The following INCA1 variants were observed in gnomAD, a reference collection of about 807,000 sequenced individuals.
INCA1 encodes the protein inhibitor of CDK, cyclin A1 interacting protein 1.
Under a neutral mutation model 25.7 loss-of-function variants are expected in INCA1, and 28 were observed. That is an observed-to-expected ratio of 1.09 (90% CI 0.81 to 1.49). INCA1 has a LOEUF of 1.49. Ranked by LOEUF, INCA1 falls within the 40% of genes most tolerant of loss-of-function variation. INCA1 has a pLI of 0.00. For synonymous variants in INCA1, 111 were observed against 103.6 expected, an observed-to-expected ratio of 1.07 and a Z score of -0.43; for missense variants, 309 against 290.9, an observed-to-expected ratio of 1.06 and a Z score of -0.45.
At chr17:4,988,319 A>G in exon 7 of INCA1, 2 of 1,422,074 alleles carry the variant, frequency 1.4e-6, no homozygotes, top group Non-Finnish European at 1.9e-6. Flanking sequence ...AAACGCCTTC[A>G]TGTCAGCAAT....
chr17:4,988,624 A>G, intron 6 of INCA1, 70 bp from the exon 7 acceptor site: 1 of 1,584,618 alleles, frequency 6.3e-7, no homozygotes, highest in African/African-American at 1.4e-5. Context: ...CCTAGTACCC[A>G]AGCTTAGGTA....
At chr17:4,989,928 G>C in exon 4 of INCA1, 1 of 1,614,176 alleles carries the variant, frequency 6.2e-7, no homozygotes, top group Non-Finnish European at 8.5e-7. Context: ...AGCCAAGTGG[G>C]GCTGTGAAGA....
At chr17:4,996,177 G>A (rs1254280899) in intron 1 of INCA1, among the ~76,000 whole-genome samples, 2 of 152,112 alleles carry the variant, frequency 1.3e-5, no homozygotes, top group African/African-American at 4.8e-5. Context: ...TCGAGCCCAG[G>A]AGTTTGAGAC....
intron 2 of INCA1, among the ~76,000 whole-genome samples, chr17:4,994,096 C>T (rs1468597564): frequency 6.6e-6 from 1 of 151,936 alleles, no homozygotes; most frequent in Non-Finnish European, 1.5e-5. Context: ...TTAAATAGTA[C>T]CCATCATTAG....
chr17:4,988,596 G>C, intron 6 of INCA1, 42 bp from the exon 7 acceptor site: 1 of 1,605,774 alleles, frequency 6.2e-7, no homozygotes, highest in Non-Finnish European at 8.5e-7. Context: ...TGGAAAAGTA[G>C]GTCTTCTTTC....
intron 2 of INCA1, among the ~76,000 whole-genome samples, chr17:4,992,695 T>C (rs1425353624): frequency 6.7e-6 from 1 of 148,858 alleles, no homozygotes; most frequent in Non-Finnish European, 1.5e-5. Flanking sequence ...TTTCTCTCCT[T>C]CTTTCCCTCC....
At chr17:4,989,244 CCTT>C (rs1973638976) in intron 5 of INCA1, among the ~76,000 whole-genome samples, 181 bp downstream of exon 5, 3 of 152,320 alleles carry the variant, frequency 2.0e-5, no homozygotes, top group Admixed American at 6.5e-5. Flanking sequence ...GCAGTTCCCT[CCTT>C]CTTTCCATAT....
intron 2 of INCA1, among the ~76,000 whole-genome samples, chr17:4,991,377 A>G (rs990329810): frequency 1.3e-5 from 2 of 152,338 alleles, no homozygotes; most frequent in African/African-American, 2.4e-5. Context: ...TACTCAGGTT[A>G]TATGACAGAT....
exon 6 of INCA1, chr17:4,988,899 T>C: frequency 2.5e-6 from 4 of 1,614,214 alleles, no homozygotes; most frequent in Non-Finnish European, 3.4e-6. Flanking sequence ...CAAGCACCAC[T>C]GGCTCAGATG....
chr17:4,988,449 G>C (rs1342264014), exon 7 of INCA1: 1 of 1,613,516 alleles, frequency 6.2e-7, no homozygotes, highest in Non-Finnish European at 8.5e-7. Flanking sequence ...GGATTGTGAA[G>C]GGGGTTCCTT....
chr17:4,988,505 G>A, exon 7 of INCA1: 1 of 1,614,100 alleles, frequency 6.2e-7, no homozygotes, highest in Non-Finnish European at 8.5e-7. Context: ...CAGCTGCCTG[G>A]AGGCACAAGC....
chr17:4,992,281 G>T (rs569087273), intron 2 of INCA1, among the ~76,000 whole-genome samples: 2 of 151,806 alleles, frequency 1.3e-5, no homozygotes, highest in African/African-American at 2.4e-5. Flanking sequence ...AATCCAAACC[G>T]TTTTTTTTCT....
exon 5 of INCA1, chr17:4,989,560 A>G: frequency 6.2e-7 from 1 of 1,614,156 alleles, no homozygotes; most frequent in Non-Finnish European, 8.5e-7. Context: ...TCTTCTCCAA[A>G]GCATTTCAGG....
chr17:4,989,821 G>A, intron 4 of INCA1, 69 bp downstream of exon 4: 2 of 1,609,006 alleles, frequency 1.2e-6, no homozygotes, highest in Non-Finnish European at 1.7e-6. Context: ...AATAAGGAGA[G>A]CTTGGGACAG....
intron 2 of INCA1, among the ~76,000 whole-genome samples, chr17:4,992,956 T>C (rs532215185): frequency 1.7e-4 from 26 of 151,766 alleles, no homozygotes; most frequent in Admixed American, 2.6e-4. Context: ...CTCGGCTCAC[T>C]GCACCCTCTG....
intron 1 of INCA1, among the ~76,000 whole-genome samples, chr17:4,994,719 G>A (rs931735727): frequency 6.6e-6 from 1 of 150,878 alleles, no homozygotes; most frequent in African/African-American, 2.4e-5. Context: ...GAACCTGGGA[G>A]GCGGAGGTTG....
At chr17:4,996,115 T>C (rs188522603) in intron 1 of INCA1, among the ~76,000 whole-genome samples, 7 of 152,194 alleles carry the variant, frequency 4.6e-5, no homozygotes, top group African/African-American at 1.4e-4. Flanking sequence ...CTGGGCACAC[T>C]GGCTCACGCC....
In INCA1 at chr17:4,988,957, T is replaced by C. The variant is rs139444274; in HGVS notation, c.396-13A>G. 614 of 1,608,604 alleles carry C rather than the reference T, an allele frequency of 3.8e-4. 1 individual carries two copies. Among genetic ancestry groups the C allele is most frequent in the South Asian group, 7.2e-4 (65 of 90,634 alleles). On this transcript the variant is annotated splice_polypyrimidine_tract_variant and intron_variant, in intron 5 of 6. Coordinates refer to ENST00000576820, the Ensembl canonical transcript of INCA1. ...GGCCTTCTTCAGTCTGTGGAGACTT[T>C]AGGCTGAGGAGAGAAGTGCCTGGAG... is the stretch of plus-strand genomic sequence containing the variant.
downstream of INCA1, chr17:4,988,157 G>A: frequency 2.4e-6 from 1 of 416,850 alleles, no homozygotes; most frequent in South Asian, 5.0e-5. Context: ...TAATAACAGA[G>A]CAGAGAGAAT....
Sources: allele counts gnomAD v4.1 joint callset (sites outside exome capture counted in the v4.1 genomes callset), GRCh38; gene constraint gnomAD v4.1.1; transcripts MANE v1.5; gene names NCBI Gene and HGNC (gene_info 2026-07-23, HGNC 2026-07-21).